AKAP10: variants seen among roughly 807,000 people sequenced by gnomAD.
AKAP10 encodes A-kinase anchoring protein 10.
Under a neutral mutation model 80.8 loss-of-function variants are expected in AKAP10, and 24 were observed. The observed-to-expected ratio is 0.30, with a 90% confidence interval of 0.22 to 0.42. AKAP10 has a LOEUF of 0.42. AKAP10 is among the 10% of genes least tolerant of loss of function. The probability of loss-of-function intolerance (pLI) is 1.00; values close to 1 mark genes in which losing one functional copy is unlikely to be tolerated. For synonymous variants in AKAP10, 291 were observed against 277.7 expected (o/e 1.05, Z -0.48); for missense variants, 661 against 794.9 (o/e 0.83, Z 2.03).
chr17:19,913,364 G>C (rs2042711965), intron 12 of AKAP10, among the ~76,000 whole-genome samples: 1 of 152,000 alleles, frequency 6.6e-6, no homozygotes, highest in Non-Finnish European at 1.5e-5. Flanking sequence ...GTGTTAGCCA[G>C]GATGGTCTCG....
intron 3 of AKAP10, among the ~76,000 whole-genome samples, chr17:19,962,297 C>T (rs759275440): frequency 0.013 from 825 of 64,594 alleles, 10 homozygotes; most frequent in African/African-American, 0.037. Context: ...CATACATATA[C>T]ACACACACAC....
At chr17:19,924,020 T>C (rs1000870645) in intron 11 of AKAP10, among the ~76,000 whole-genome samples, 2 of 152,208 alleles carry the variant, frequency 1.3e-5, no homozygotes, top group Non-Finnish European at 2.9e-5. Context: ...AAGTGGCATA[T>C]CCTATGAATC....
chr17:19,921,123 A>G (rs948166520), intron 11 of AKAP10, among the ~76,000 whole-genome samples: 1 of 151,908 alleles, frequency 6.6e-6, no homozygotes, highest in African/African-American at 2.4e-5. Context: ...AAGAAACTCA[A>G]TCTCATTAGC....
chr17:19,939,700 C>G lies in AKAP10; in HGVS notation c.1322+13G>C. ...ATAAGTATCTGCTGAATCCATCTATCAATATAACTCACTTGTCATATAAAA... is the reference window on the plus strand; with the variant it reads ...ATAAGTATCTGCTGAATCCATCTATGAATATAACTCACTTGTCATATAAAA... On this transcript the variant is annotated intron_variant, in intron 8 of 14. Transcript: ENST00000225737. 6.2e-7 allele frequency: 1 copy of G among 1,610,074 alleles called. No individual in the cohort carries two copies. The highest frequency in any genetic ancestry group is 1.7e-5 in the Admixed American group (1 of 59,366).
chr17:19,928,242 T>C (rs946671270), intron 10 of AKAP10, among the ~76,000 whole-genome samples: 5 of 151,138 alleles, frequency 3.3e-5, no homozygotes, highest in African/African-American at 1.2e-4. Context: ...AATAAATAAA[T>C]AAAAATAAAA....
intron 5 of AKAP10, among the ~76,000 whole-genome samples, chr17:19,944,150 G>T (rs1201534934): frequency 6.6e-6 from 1 of 151,840 alleles, no homozygotes; most frequent in Admixed American, 6.6e-5. Flanking sequence ...ATCTCTACCC[G>T]TGTACTGCAT....
chr17:19,952,500 A>AAATT (rs1315072895), intron 4 of AKAP10, among the ~76,000 whole-genome samples: 2 of 151,660 alleles, frequency 1.3e-5, no homozygotes, highest in African/African-American at 4.8e-5. Flanking sequence ...ATAAATAAAT[A>AAATT]AATAACACTA....
At chr17:19,961,376 A>G (rs2043348405) in intron 3 of AKAP10, among the ~76,000 whole-genome samples, 1 of 151,930 alleles carries the variant, frequency 6.6e-6, no homozygotes, top group African/African-American at 2.4e-5. Context: ...AAAGAAAGAA[A>G]GAAACTGCCT....
intron 5 of AKAP10, among the ~76,000 whole-genome samples, chr17:19,945,345 C>A (rs1293899660): frequency 6.6e-6 from 1 of 152,124 alleles, no homozygotes; most frequent in Non-Finnish European, 1.5e-5. Context: ...AAAAAAAAAT[C>A]ACTAGCCAAC....
chr17:19,922,307 T>C (rs1025825719), intron 11 of AKAP10, among the ~76,000 whole-genome samples: 1 of 152,222 alleles, frequency 6.6e-6, no homozygotes, highest in African/African-American at 2.4e-5. Context: ...TCCTAATAAG[T>C]TATTTCATAG....
intron 5 of AKAP10, among the ~76,000 whole-genome samples, chr17:19,946,448 T>C (rs1311929681): frequency 1.4e-5 from 2 of 147,428 alleles, no homozygotes; most frequent in Non-Finnish European, 3.0e-5. Context: ...AGCACTTAAC[T>C]TCTCTGTGCT....
chr17:19,972,979 A>G (rs1399885744), intron 1 of AKAP10, among the ~76,000 whole-genome samples: 1 of 151,460 alleles, frequency 6.6e-6, no homozygotes, highest in Non-Finnish European at 1.5e-5. Flanking sequence ...GCCAAATACA[A>G]CCCACTACCT....
chr17:19,946,216 T>C lies in AKAP10; in HGVS notation c.976+1191A>G, dbSNP rs1440104750. 5.7e-3 allele frequency among the ~76,000 whole-genome samples: 294 copies of C among 51,778 alleles called. 15 individuals are homozygous for C. Among genetic ancestry groups the C allele is most frequent in the African/African-American group, 0.019 (281 of 14,868 alleles). The allele number at this position is 51,778 out of a possible 152,430, so 34.0% of individuals were successfully genotyped here. A position where few individuals can be genotyped will look rare whatever the true frequency, so the allele number is the denominator to read the frequency against. ...CTAATACATATATTTTATATATATA[T>C]ATATTTTATATATATATATATTATA... On this transcript the variant is annotated intron_variant, in intron 5 of 14. Coordinates refer to ENST00000225737, the MANE Select transcript of AKAP10 (RefSeq NM_007202.4).
chr17:19,939,815 T>C lies in AKAP10; in HGVS notation c.1220A>G (p.Gln407Arg), dbSNP rs138168818. The change falls in exon 8 of 15, where the codon CAA becomes CGA. Residue 407 changes from glutamine to arginine, a missense_variant. By Grantham distance (43) the Gln-to-Arg change is conservative. Transcript: ENST00000225737. ...MEKEDAVNIL[Q>R]FWLAADNFQS... ...GAAGTTATCTGCTGCCAACCAGAAT[T>C]GTAAGATATTCACTGCATCCTCTTT... The C allele has an allele frequency of 2.7e-5, 43 of 1,614,010 alleles. No homozygotes were observed. The highest frequency in any genetic ancestry group is 3.4e-5 in the Non-Finnish European group (40 of 1,179,980).
chr17:19,958,656 T>C, intron 3 of AKAP10, 85 bp from the exon 4 acceptor site: 1 of 1,164,224 alleles, frequency 8.6e-7, no homozygotes, highest in Non-Finnish European at 1.2e-6. Context: ...TAGCAACAAC[T>C]GGTACCAGAG....
At chr17:19,946,457 C>G (rs990202657) in intron 5 of AKAP10, among the ~76,000 whole-genome samples, 1 of 146,628 alleles carries the variant, frequency 6.8e-6, no homozygotes, top group Non-Finnish European at 1.5e-5. Flanking sequence ...CTTCTCTGTG[C>G]TTCAGTTTCT....
chr17:19,973,982 C>A (rs1472028875), intron 1 of AKAP10, among the ~76,000 whole-genome samples: 1 of 152,172 alleles, frequency 6.6e-6, no homozygotes, highest in East Asian at 1.9e-4. Flanking sequence ...GCAGGCAGAT[C>A]ACCTGAGGTC....
intron 3 of AKAP10, among the ~76,000 whole-genome samples, chr17:19,958,906 T>C (rs911403683): frequency 7.1e-6 from 1 of 141,504 alleles, no homozygotes; most frequent in Non-Finnish European, 1.5e-5. Flanking sequence ...TGGAGAGCAA[T>C]GGCGCGATCT....
intron 12 of AKAP10, among the ~76,000 whole-genome samples, chr17:19,916,392 C>T (rs2042742330): frequency 6.6e-6 from 1 of 152,178 alleles, no homozygotes; most frequent in African/African-American, 2.4e-5. Context: ...AGGCACTCCA[C>T]TGTTCTATAA....
Sources: gnomAD v4.1 joint callset for allele counts (sites outside exome capture counted in the v4.1 genomes callset) on GRCh38, gnomAD v4.1.1 for gene constraint, MANE v1.5 for transcripts, NCBI Gene and HGNC (gene_info 2026-07-23, HGNC 2026-07-21) for gene names.